Variants in MYO9A observed in about 807,000 individuals in gnomAD.
MYO9A encodes the protein unconventional myosin-IXa.
Under a neutral mutation model 293.3 loss-of-function variants are expected in MYO9A, and 103 were observed. That is an observed-to-expected ratio of 0.35 (90% CI 0.30 to 0.41). The LOEUF is 0.41. MYO9A is among the 10% of genes least tolerant of loss of function. MYO9A has a pLI of 1.00. For synonymous variants in MYO9A, 1,001 were observed against 1,035.7 expected, an observed-to-expected ratio of 0.97 and a Z score of 0.64; for missense variants, 2,685 against 3,033.0, an observed-to-expected ratio of 0.89 and a Z score of 2.69.
intron 25 of MYO9A, among the ~76,000 whole-genome samples, chr15:71,896,696 C>T (rs1466891448): frequency 6.6e-6 from 1 of 151,786 alleles, no homozygotes; most frequent in Non-Finnish European, 1.5e-5. Context: ...AGGAGAACTG[C>T]TTGAGCCTAG....
chr15:71,986,068 C>T (rs1366155117), intron 11 of MYO9A, among the ~76,000 whole-genome samples: 4 of 152,186 alleles, frequency 2.6e-5, no homozygotes, highest in Non-Finnish European at 5.9e-5. Flanking sequence ...CCCTCCATAT[C>T]TGCAAAAGTT....
rs368102003 is a variant in MYO9A at position 71,878,240 on chromosome 15, A to C, written c.5740-9T>G. ...CTTTTCCCATCATCCATCTATAAGCAATAAGAAAAGAAATGTATGGTTTTA... is the reference window on the plus strand; with the variant it reads ...CTTTTCCCATCATCCATCTATAAGCCATAAGAAAAGAAATGTATGGTTTTA... On this transcript the variant is annotated splice_polypyrimidine_tract_variant and intron_variant, in intron 30 of 41. Coordinates refer to ENST00000356056, the MANE Select transcript of MYO9A (RefSeq NM_006901.4). The C allele has an allele frequency of 6.6e-7, 1 of 1,512,288 alleles. No homozygotes were observed. Among genetic ancestry groups the C allele is most frequent in the South Asian group, 1.4e-5 (1 of 73,640 alleles). 93.7% of individuals were successfully genotyped at this position (1,512,288 alleles called of 1,614,324 possible).
At chr15:71,951,148 T>C (rs2059041295) in intron 15 of MYO9A, among the ~76,000 whole-genome samples, 1 of 152,212 alleles carries the variant, frequency 6.6e-6, no homozygotes, top group Admixed American at 6.5e-5. Context: ...GGTTTTGCTC[T>C]AAACCAGACA....
At chr15:71,998,852 GT>G (rs2076784091) in intron 9 of MYO9A, among the ~76,000 whole-genome samples, 1 of 152,046 alleles carries the variant, frequency 6.6e-6, no homozygotes, top group African/African-American at 2.4e-5. Context: ...CCTTGCGATA[GT>G]TTACTGAGAA....
At chr15:71,939,034 A>C in intron 15 of MYO9A, 107 bp from the exon 16 acceptor site, 1 of 737,310 alleles carries the variant, frequency 1.4e-6, no homozygotes. Flanking sequence ...GTATTTGCTA[A>C]ATATTTCAGA....
intron 8 of MYO9A, among the ~76,000 whole-genome samples, chr15:72,001,546 T>C (rs1235855174): frequency 5.1e-5 from 4 of 78,198 alleles, no homozygotes; most frequent in Non-Finnish European, 4.6e-5. Flanking sequence ...AGAGTCAGAC[T>C]CCATCTCAAA....
intron 33 of MYO9A, among the ~76,000 whole-genome samples, chr15:71,860,773 C>T (rs1011543296): frequency 4.0e-5 from 6 of 151,770 alleles, no homozygotes; most frequent in African/African-American, 1.2e-4. Flanking sequence ...TCAAGACCAG[C>T]CTGATCAACA....
chr15:71,868,957 A>G (rs760365974), intron 32 of MYO9A, among the ~76,000 whole-genome samples: 1 of 152,204 alleles, frequency 6.6e-6, no homozygotes, highest in Non-Finnish European at 1.5e-5. Context: ...TTGATGCTCT[A>G]ATTATCACAA....
chr15:72,033,169 A>T (rs2077931042), intron 2 of MYO9A, among the ~76,000 whole-genome samples: 2 of 152,148 alleles, frequency 1.3e-5, no homozygotes, highest in African/African-American at 4.8e-5. Flanking sequence ...TCATAATTTT[A>T]AAAATGTAAT....
chr15:71,968,412 G>C (rs925316945), intron 12 of MYO9A, among the ~76,000 whole-genome samples: 1 of 152,132 alleles, frequency 6.6e-6, no homozygotes, highest in Admixed American at 6.5e-5. Flanking sequence ...ATTTAGCTTA[G>C]ATTGCAGTGT....
At chr15:71,934,041 C>T (rs1181923736) in intron 17 of MYO9A, among the ~76,000 whole-genome samples, 2 of 152,030 alleles carry the variant, frequency 1.3e-5, no homozygotes, top group African/African-American at 4.8e-5. Flanking sequence ...AGACTTATTT[C>T]TATCATATCA....
At chr15:72,083,040 GAGTTA>G (rs1475936934) in intron 1 of MYO9A, among the ~76,000 whole-genome samples, 2 of 151,958 alleles carry the variant, frequency 1.3e-5, no homozygotes, top group African/African-American at 4.8e-5. Flanking sequence ...CTCACAGAAT[GAGTTA>G]AGGAGGGGTC....
At chr15:72,074,877 C>T (rs755891578) in intron 1 of MYO9A, among the ~76,000 whole-genome samples, 113 of 150,792 alleles carry the variant, frequency 7.5e-4, no homozygotes, top group Non-Finnish European at 1.1e-3. Flanking sequence ...TAGTTTAGTC[C>T]CTTTTTTGAT....
At chr15:72,054,325 CCA>C (rs2078655903) in intron 1 of MYO9A, among the ~76,000 whole-genome samples, 1 of 152,120 alleles carries the variant, frequency 6.6e-6, no homozygotes, top group Admixed American at 6.6e-5. Flanking sequence ...AAGGAGGAAG[CCA>C]CAGAGTGGCA....
intron 32 of MYO9A, among the ~76,000 whole-genome samples, chr15:71,864,614 C>T (rs777726767): frequency 2.6e-5 from 4 of 152,090 alleles, no homozygotes; most frequent in African/African-American, 4.8e-5. Context: ...ATAAATAAAA[C>T]GTGACATATC....
At chr15:71,976,924 T>C (rs1320516563) in intron 12 of MYO9A, among the ~76,000 whole-genome samples, 3 of 152,316 alleles carry the variant, frequency 2.0e-5, no homozygotes, top group Admixed American at 2.0e-4. Flanking sequence ...GTCTAATGAA[T>C]ATTAAACTAG....
At chr15:72,022,929 G>C (rs1346718904) in intron 4 of MYO9A, among the ~76,000 whole-genome samples, 1 of 152,112 alleles carries the variant, frequency 6.6e-6, no homozygotes, top group Non-Finnish European at 1.5e-5. Flanking sequence ...CCGATACAAA[G>C]TAGAAAAAGT....
intron 1 of MYO9A, among the ~76,000 whole-genome samples, chr15:72,112,752 T>A (rs1567054702): frequency 6.6e-6 from 1 of 152,184 alleles, no homozygotes; most frequent in Non-Finnish European, 1.5e-5. Flanking sequence ...GGGTTTCCCA[T>A]GTAAATTAAA....
intron 4 of MYO9A, among the ~76,000 whole-genome samples, chr15:72,023,025 C>A (rs528727791): frequency 6.6e-6 from 1 of 151,956 alleles, no homozygotes; most frequent in African/African-American, 2.4e-5. Context: ...CAATGAACTA[C>A]AGAAAGTCAC....
Sources: gnomAD v4.1 joint callset for allele counts (sites outside exome capture counted in the v4.1 genomes callset) on GRCh38, gnomAD v4.1.1 for gene constraint, MANE v1.5 for transcripts, NCBI Gene and HGNC (gene_info 2026-07-23, HGNC 2026-07-21) for gene names.